Variants in ACAN observed in about 807,000 individuals in gnomAD.
ACAN encodes the protein aggrecan.
ACAN carries 47 observed loss-of-function variants against 169.1 expected under a neutral mutation model. The ratio of observed to expected loss-of-function variants is 0.28; its 90% CI spans 0.22 to 0.35. The LOEUF is 0.35. Among genes scored for constraint, ACAN ranks in the 10% least tolerant of loss-of-function variants. ACAN has a pLI of 1.00. For synonymous variants in ACAN, 1,115 were observed against 1,112.2 expected, an observed-to-expected ratio of 1.00 and a Z score of -0.05; for missense variants, 2,716 against 2,759.9, an observed-to-expected ratio of 0.98 and a Z score of 0.36.
At position 88,871,611 on chromosome 15, in the gene ACAN, A is replaced by C. The variant is rs1354508465; in HGVS notation, c.7219+71A>C. ...TAGGCAAAGGGCCTCACCTTTCAGA[A>C]GGCAGCAGATTTGGGCCTCGTGAGA... On this transcript the variant is annotated intron_variant, in intron 15 of 18. Coordinates refer to ENST00000560601, the MANE Select transcript of ACAN (RefSeq NM_001369268.1). The surrounding 1 kb of genome is among the most constrained non-coding windows in gnomAD (Gnocchi z 7.8). The C allele has an allele frequency of 6.6e-7, 1 of 1,520,950 alleles. No homozygotes were observed. The allele number at this position is 1,520,950 out of a possible 1,614,324, so 94.2% of individuals were successfully genotyped here.
At position 88,872,515 on chromosome 15, in the gene ACAN, T is replaced by C. The variant is rs1031980753; in HGVS notation, c.7303-366T>C. 4.6e-5 allele frequency among the ~76,000 whole-genome samples: 7 copies of C among 152,130 alleles called. No individual in the cohort carries two copies. The highest frequency in any genetic ancestry group is 1.0e-4 in the Non-Finnish European group (7 of 68,006). The stretch of plus-strand genomic sequence containing the variant: ...GGAGGACTTCTTGGTGGGCAGAAGC[T>C]GGACTTAAGAGCTGTGTTCCTACCA... On this transcript the variant is annotated intron_variant, in intron 16 of 18. Coordinates refer to ENST00000560601, the MANE Select transcript of ACAN (RefSeq NM_001369268.1). The surrounding 1 kb of genome is among the most constrained non-coding windows in gnomAD (Gnocchi z 5.4).
chr15:88,849,777 G>T lies in ACAN; in HGVS notation c.2026+46G>T. ...TCCAACAGCCCCTTTTGTCTGGAGAGGACCCCACTGGGTTCACCGGATCCT... is the reference window on the plus strand; with the variant it reads ...TCCAACAGCCCCTTTTGTCTGGAGATGACCCCACTGGGTTCACCGGATCCT... On this transcript the variant is annotated intron_variant, in intron 10 of 18. Coordinates refer to ENST00000560601, the MANE Select transcript of ACAN (RefSeq NM_001369268.1). The surrounding 1 kb of genome is among the most constrained non-coding windows in gnomAD (Gnocchi z 5.1). 6.3e-7 allele frequency: 1 copy of T among 1,596,194 alleles called. No homozygotes were observed.
At position 88,854,981 on chromosome 15, in the gene ACAN, C is replaced by T. The variant is rs1378235264; in HGVS notation, c.2396C>T (p.Pro799Leu). ...GAGGTGCCATTCCCCTCAGAGGAGC[C>T]ATCCCCCTCAGAGGAACCATTCCCC... ...PSEVPFPSEE[P>L]SPSEEPFPSV... Residue 799 changes from proline (P) to leucine (L), a missense_variant, in exon 12 of 19, where the codon CCA becomes CTA. Around this residue, in one of 3 missense-constraint regions of ACAN, gnomAD observed 1,283 missense variants for 1,281.5 expected, o/e 1.00. Transcript: ENST00000560601. 3 of 1,598,094 alleles carry T rather than the reference C, an allele frequency of 1.9e-6. No homozygotes were observed. The highest frequency in any genetic ancestry group is 1.3e-5 in the African/African-American group (1 of 74,436).
intron 1 of ACAN, among the ~76,000 whole-genome samples, chr15:88,808,584 G>GGCCATGTCTGGAGACATTTTT (rs1761804406): frequency 6.6e-6 from 1 of 152,146 alleles, no homozygotes; most frequent in Admixed American, 6.5e-5. Context: ...GGGAACATTT[G>GGCCATGTCTGGAGACATTTTT]GCCATGTCTG....
chr15:88,819,600 C>CAAAAAAA (rs35471694), intron 1 of ACAN, among the ~76,000 whole-genome samples: 40 of 111,090 alleles, frequency 3.6e-4, no homozygotes, highest in African/African-American at 1.3e-3. Flanking sequence ...CTCGTCTCTA[C>CAAAAAAA]AAAAAAAAAA....
intron 1 of ACAN, among the ~76,000 whole-genome samples, chr15:88,833,724 C>T (rs1314147773): frequency 1.2e-5 from 1 of 84,624 alleles, no homozygotes; most frequent in Non-Finnish European, 2.1e-5. Context: ...CCCCTATCCC[C>T]CTACCCCCAC....
At chr15:88,809,418 T>C (rs1400024652) in intron 1 of ACAN, among the ~76,000 whole-genome samples, 1 of 152,178 alleles carries the variant, frequency 6.6e-6, no homozygotes, top group African/African-American at 2.4e-5. Context: ...CCTGCCCTCA[T>C]GGGCCAAGAT....
intron 1 of ACAN, among the ~76,000 whole-genome samples, chr15:88,833,210 C>T (rs1294609375): frequency 4.6e-5 from 7 of 152,170 alleles, no homozygotes; most frequent in South Asian, 4.1e-4. Context: ...GACACATGCA[C>T]GCATGCTCAC....
At chr15:88,836,348 A>T in intron 2 of ACAN, 72 bp downstream of exon 2, 3 of 1,292,124 alleles carry the variant, frequency 2.3e-6, no homozygotes, top group Non-Finnish European at 3.3e-6. Flanking sequence ...TGGGTACTGA[A>T]CCTGGTGCTA....
In ACAN at chr15:88,807,747, A is replaced by AGTGT. The variant is rs33937048; in HGVS notation, c.-8+3974_-8+3977dup. Among the ~76,000 whole-genome samples, 58,551 of 141,790 alleles carry AGTGT rather than the reference A, an allele frequency of 0.41. 12,458 individuals carry two copies. The highest frequency in any genetic ancestry group is 0.47 in the Non-Finnish European group (30,815 of 65,196). The allele number at this position is 141,790 out of a possible 152,430, so 93.0% of individuals were successfully genotyped here. Reference sequence around the variant, plus strand: ...CTCAGAGCCTCCTTATAAGTGGTGGAGTGTGTGTGTGTGTGTGTGTGTGTG... The same window carrying AGTGT: ...CTCAGAGCCTCCTTATAAGTGGTGGAGTGTGTGTGTGTGTGTGTGTGTGTGTGTG... On this transcript the variant is annotated intron_variant, in intron 1 of 18. Coordinates refer to ENST00000560601, the MANE Select transcript of ACAN (RefSeq NM_001369268.1). This position sits in a 1 kb window ranked among gnomAD's most constrained non-coding sequence, Gnocchi z 4.0.
chr15:88,839,528 G>C lies in ACAN; in HGVS notation c.454+482G>C, dbSNP rs1410002501. ...CCCAAGGAGAACAGTCAGGTCTTTG[G>C]TTAGCTTCAGGACTTTGGTCAACAC... On this transcript the variant is annotated intron_variant, in intron 3 of 18. Coordinates refer to ENST00000560601, the MANE Select transcript of ACAN (RefSeq NM_001369268.1). The surrounding 1 kb of genome is among the most constrained non-coding windows in gnomAD (Gnocchi z 4.5). Among the ~76,000 whole-genome samples, 1 of 152,210 alleles carries C rather than the reference G, an allele frequency of 6.6e-6. No homozygotes were observed. The highest frequency in any genetic ancestry group is 1.5e-5 in the Non-Finnish European group (1 of 68,026).
chr15:88,842,790 C>T (rs1011346903), intron 5 of ACAN, among the ~76,000 whole-genome samples: 1 of 152,166 alleles, frequency 6.6e-6, no homozygotes, highest in Non-Finnish European at 1.5e-5. Flanking sequence ...TGCCGTCCGC[C>T]CCCACCCTTA....
chr15:88,841,964 C>A, intron 5 of ACAN, 97 bp downstream of exon 5: 1 of 1,511,732 alleles, frequency 6.6e-7, no homozygotes, highest in East Asian at 2.3e-5. Context: ...ACACAGGCTG[C>A]CAGCTCAGGG....
Position 88,860,336 on chromosome 15 carries a change from G to T in ACAN, c.6843G>T (p.Arg2281Ser), listed in dbSNP as rs1258738952. The stretch of plus-strand genomic sequence containing the variant: ...CCCTGGGGGTTGCAGCCCCCGCCAG[G>T]TCCTGTGCAGAGGAGCCCTGTGGAG... Reference protein sequence around the residue: ...ESESTAAAPARSCAEEPCGAG... With the variant: ...ESESTAAAPASSCAEEPCGAG... The change falls in exon 13 of 19, where the codon AGG becomes AGT. Residue 2281 changes from arginine (R) to serine (S), a missense_variant. Around this residue, in one of 3 missense-constraint regions of ACAN, gnomAD observed 1,389 missense variants for 1,363.7 expected, o/e 1.02. Coordinates refer to ENST00000560601, the MANE Select transcript of ACAN (RefSeq NM_001369268.1). 2 of 1,611,796 alleles carry T rather than the reference G, an allele frequency of 1.2e-6. No homozygotes were observed. The highest frequency in any genetic ancestry group is 1.7e-6 in the Non-Finnish European group (2 of 1,179,284).
In ACAN at chr15:88,872,535, C is replaced by T. The variant is rs1897405440; in HGVS notation, c.7303-346C>T. 1.3e-5 allele frequency among the ~76,000 whole-genome samples: 2 copies of T among 152,198 alleles called. No individual in the cohort carries two copies. The highest frequency in any genetic ancestry group is 4.2e-4 in the South Asian group (2 of 4,810). ...GAAGCTGGACTTAAGAGCTGTGTTC[C>T]TACCATCCATCCCTACCCAATGTGG... On this transcript the variant is annotated intron_variant, in intron 16 of 18. Coordinates refer to ENST00000560601, the MANE Select transcript of ACAN (RefSeq NM_001369268.1). This position sits in a 1 kb window ranked among gnomAD's most constrained non-coding sequence, Gnocchi z 5.4.
rs574387119 is a variant in ACAN, at chr15:88,807,404, C to A, written c.-8+3595C>A. 5.9e-5 allele frequency among the ~76,000 whole-genome samples: 9 copies of A among 152,304 alleles called. No individual in the cohort carries two copies. In the South Asian group the frequency reaches 6.2e-4, roughly 11 times the overall value. ...GTCCTGATGGTAGCCGCACTGCCGC[C>A]CTGATAACTTAAAGGAAGCCCCTTC... On this transcript the variant is annotated intron_variant, in intron 1 of 18. Transcript: ENST00000560601. This position sits in a 1 kb window ranked among gnomAD's most constrained non-coding sequence, Gnocchi z 4.0.
chr15:88,851,909 A>G lies in ACAN; in HGVS notation c.2142A>G (p.Val714=). The change falls in exon 11 of 19, where the codon GTA becomes GTG. Residue 714 remains valine, a synonymous_variant. Transcript: ENST00000560601. The surrounding 1 kb of genome is among the most constrained non-coding windows in gnomAD (Gnocchi z 4.3). ...TTCCTGGTGTGGCTGCTGTCCCCGTAGAAGAGGAGACAACTGCTGTACCCT... is the reference window on the plus strand; with the variant it reads ...TTCCTGGTGTGGCTGCTGTCCCCGTGGAAGAGGAGACAACTGCTGTACCCT... The part of the protein sequence containing the change: ...QVVPGVAAVP[V]EEETTAVPSG... The G allele has an allele frequency of 6.2e-7, 1 of 1,612,498 alleles. No homozygotes were observed. Among genetic ancestry groups the G allele is most frequent in the Non-Finnish European group, 8.5e-7 (1 of 1,179,368 alleles).
Position 88,872,819 on chromosome 15 carries a change from C to A in ACAN, c.7303-62C>A, listed in dbSNP as rs866372760. The A allele has an allele frequency of 1.3e-6, 2 of 1,561,744 alleles. No individual in the cohort carries two copies. The highest frequency in any genetic ancestry group is 3.5e-5 in the Admixed American group (2 of 57,494). On this transcript the variant is annotated intron_variant, in intron 16 of 18. Coordinates refer to ENST00000560601, the MANE Select transcript of ACAN (RefSeq NM_001369268.1). This position sits in a 1 kb window ranked among gnomAD's most constrained non-coding sequence, Gnocchi z 5.4. Reference sequence around the variant, plus strand: ...GAAGAGGCTCCACGGGGAAGACAGTCGGAGCAGGCCAACCCGCACTGTCCT... The same window carrying A: ...GAAGAGGCTCCACGGGGAAGACAGTAGGAGCAGGCCAACCCGCACTGTCCT...
chr15:88,825,809 C>A (rs559499962), intron 1 of ACAN, among the ~76,000 whole-genome samples: 2 of 152,342 alleles, frequency 1.3e-5, no homozygotes, highest in South Asian at 2.1e-4. Context: ...ACTGTGCCCA[C>A]CCCCACCTCC....
Sources: gnomAD v4.1 joint callset for allele counts (sites outside exome capture counted in the v4.1 genomes callset) on GRCh38, gnomAD v4.1.1 for gene constraint, gnomAD v4.1.1 regional missense constraint, Gnocchi (gnomAD v3.1) non-coding constraint, MANE v1.5 for transcripts, NCBI Gene and HGNC (gene_info 2026-07-23, HGNC 2026-07-21) for gene names.